CCSER2: variants seen among roughly 807,000 people sequenced by gnomAD.
CCSER2 encodes coiled-coil serine rich protein 2, also known as serine-rich coiled-coil domain-containing protein 2.
CCSER2 carries 46 observed loss-of-function variants against 92.3 expected under a neutral mutation model. The ratio of observed to expected loss-of-function variants is 0.50; its 90% CI spans 0.39 to 0.64. CCSER2 has a LOEUF of 0.64. CCSER2 is among the 30% of genes least tolerant of loss of function. The probability of loss-of-function intolerance (pLI) is 0.00; values close to 1 mark genes in which losing one functional copy is unlikely to be tolerated. For missense variants in CCSER2, 1,244 were observed against 1,238.9 expected (o/e 1.00, Z -0.06); for synonymous variants, 433 against 431.4 (o/e 1.00, Z -0.04).
chr10:84,335,482 G>A (rs1843784987), intron 1 of CCSER2, among the ~76,000 whole-genome samples: 1 of 151,930 alleles, frequency 6.6e-6, no homozygotes, highest in South Asian at 2.1e-4. Context: ...GGGCTCAAAT[G>A]ACCCTCCTGC....
chr10:84,466,010 T>A (rs569486893), intron 7 of CCSER2, among the ~76,000 whole-genome samples: 2 of 152,334 alleles, frequency 1.3e-5, no homozygotes, highest in South Asian at 4.1e-4. Context: ...AGTGCTAGGA[T>A]TACAGGCGTG....
At chr10:84,410,086 A>G (rs1842574624) in intron 3 of CCSER2, among the ~76,000 whole-genome samples, 1 of 152,186 alleles carries the variant, frequency 6.6e-6, no homozygotes. Flanking sequence ...TGCAAAGGAC[A>G]TGATCTCATT....
chr10:84,436,325 C>CAAAAAAAAAAAAAAA (rs1160681619), intron 5 of CCSER2, among the ~76,000 whole-genome samples: 2 of 14,340 alleles, frequency 1.4e-4, no homozygotes, highest in African/African-American at 8.5e-4. Flanking sequence ...GACTCCGTCT[C>CAAAAAAAAAAAAAAA]AAAAAAAAAA....
intron 9 of CCSER2, among the ~76,000 whole-genome samples, chr10:84,487,294 G>C (rs1388242387): frequency 6.6e-6 from 1 of 152,182 alleles, no homozygotes; most frequent in African/African-American, 2.4e-5. Flanking sequence ...GTAATTGGTA[G>C]CTTGATGGGG....
At chr10:84,398,962 T>TA (rs1841979228) in intron 3 of CCSER2, among the ~76,000 whole-genome samples, 1 of 152,220 alleles carries the variant, frequency 6.6e-6, no homozygotes, top group Non-Finnish European at 1.5e-5. Context: ...TGTTCACTCT[T>TA]ACCACATCTG....
intron 7 of CCSER2, among the ~76,000 whole-genome samples, chr10:84,469,180 T>G (rs2133700864): frequency 6.6e-6 from 1 of 152,292 alleles, no homozygotes; most frequent in African/African-American, 2.4e-5. Context: ...GTTATATAAT[T>G]AAATATAAAT....
At chr10:84,342,977 A>G (rs1401920693) in intron 1 of CCSER2, among the ~76,000 whole-genome samples, 1 of 151,948 alleles carries the variant, frequency 6.6e-6, no homozygotes, top group East Asian at 1.9e-4. Flanking sequence ...GGTTCAAGCA[A>G]TTCTCCTGCT....
intron 7 of CCSER2, among the ~76,000 whole-genome samples, chr10:84,465,267 G>A (rs1361703457): frequency 8.6e-5 from 12 of 140,302 alleles, no homozygotes; most frequent in Admixed American, 1.5e-4. Context: ...GTGTGTGTGT[G>A]TGTGTGTGTG....
intron 3 of CCSER2, among the ~76,000 whole-genome samples, chr10:84,376,022 C>T (rs1399617393): frequency 6.6e-6 from 1 of 152,074 alleles, no homozygotes; most frequent in Non-Finnish European, 1.5e-5. Flanking sequence ...TGTGTCACTT[C>T]TAACACAGTT....
intron 4 of CCSER2, among the ~76,000 whole-genome samples, chr10:84,424,009 C>CT: frequency 6.9e-6 from 1 of 145,256 alleles, no homozygotes; most frequent in Middle Eastern, 3.6e-3. Flanking sequence ...AAAAAAGACT[C>CT]TCCATGGCGG....
chr10:84,438,832 T>TTG, intron 6 of CCSER2, 125 bp downstream of exon 6: 1 of 611,876 alleles, frequency 1.6e-6, no homozygotes, highest in South Asian at 2.5e-5. Context: ...AGAATAATGC[T>TTG]TGTAAATAGT....
chr10:84,423,794 T>C (rs936463954), intron 4 of CCSER2, among the ~76,000 whole-genome samples: 6 of 152,132 alleles, frequency 3.9e-5, no homozygotes, highest in Non-Finnish European at 2.9e-5. Context: ...AATCTATGAA[T>C]ATAATACAAA....
chr10:84,412,327 C>T (rs1237178976), intron 3 of CCSER2, among the ~76,000 whole-genome samples: 2 of 152,038 alleles, frequency 1.3e-5, no homozygotes, highest in African/African-American at 4.8e-5. Context: ...GGAGGAGTCC[C>T]TCCTTTTTAA....
chr10:84,434,421 G>T (rs532705881), intron 5 of CCSER2, among the ~76,000 whole-genome samples: 2 of 151,942 alleles, frequency 1.3e-5, no homozygotes, highest in Admixed American at 1.3e-4. Flanking sequence ...CTGTCTCTTA[G>T]ATTTCTCTGT....
At chr10:84,359,906 C>G (rs1192703373) in intron 1 of CCSER2, among the ~76,000 whole-genome samples, 1 of 151,996 alleles carries the variant, frequency 6.6e-6, no homozygotes, top group Non-Finnish European at 1.5e-5. Context: ...TTCCACCTCC[C>G]GAGTTCAAGT....
intron 6 of CCSER2, among the ~76,000 whole-genome samples, chr10:84,462,462 G>A (rs1388535318): frequency 2.0e-5 from 3 of 152,180 alleles, no homozygotes; most frequent in Non-Finnish European, 2.9e-5. Context: ...AAATATACTT[G>A]TAGGTAGGAC....
rs568885994 is a variant in CCSER2, at chr10:84,337,014, G to A, written c.-40+8206G>A. On this transcript the variant is annotated intron_variant, in intron 1 of 9. Coordinates refer to ENST00000372088, the MANE Select transcript of CCSER2 (RefSeq NM_001284240.2). Reference sequence around the variant, plus strand: ...TGGGTAAGAGCGCAGAAGAAGCAGGGTTTTAGCGGGGGAAGTAACGAGTTC... The same window carrying A: ...TGGGTAAGAGCGCAGAAGAAGCAGGATTTTAGCGGGGGAAGTAACGAGTTC... 3.5e-4 allele frequency among the ~76,000 whole-genome samples: 54 copies of A among 152,300 alleles called. 1 individual carries two copies. The South Asian group carries it at 0.011, about 30-fold the overall frequency.
At chr10:84,330,725 C>T (rs1843520263) in intron 1 of CCSER2, among the ~76,000 whole-genome samples, 2 of 152,046 alleles carry the variant, frequency 1.3e-5, no homozygotes, top group Admixed American at 1.3e-4. Flanking sequence ...CCAGACTGGT[C>T]TCAAACTCCT....
intron 3 of CCSER2, among the ~76,000 whole-genome samples, chr10:84,386,142 A>G (rs996552553): frequency 6.6e-6 from 1 of 152,222 alleles, no homozygotes; most frequent in Non-Finnish European, 1.5e-5. Flanking sequence ...GGGAATGAAA[A>G]CTGAAAATTA....
Sources: gnomAD v4.1 joint callset for allele counts (sites outside exome capture counted in the v4.1 genomes callset) on GRCh38, gnomAD v4.1.1 for gene constraint, MANE v1.5 for transcripts, NCBI Gene and HGNC (gene_info 2026-07-23, HGNC 2026-07-21) for gene names.